THSD7B: variants seen among roughly 807,000 people sequenced by gnomAD.
THSD7B encodes the protein thrombospondin type-1 domain-containing protein 7B.
In THSD7B, 138 loss-of-function variants were observed where a neutral mutation model predicts 213.6. That is an observed-to-expected ratio of 0.65 (90% CI 0.56 to 0.74). The LOEUF (loss-of-function observed/expected upper bound fraction) is 0.74. THSD7B is among the 30% of genes least tolerant of loss of function. The pLI, the probability that THSD7B is intolerant of heterozygous loss-of-function variation, is 0.00. For missense variants in THSD7B, 1,931 were observed against 1,991.5 expected, an observed-to-expected ratio of 0.97 and a Z score of 0.58; for synonymous variants, 742 against 687.0, an observed-to-expected ratio of 1.08 and a Z score of -1.25.
At chr2:137,227,859 T>C (rs952304688) in intron 7 of THSD7B, among the ~76,000 whole-genome samples, 14 of 152,144 alleles carry the variant, frequency 9.2e-5, no homozygotes, top group African/African-American at 3.4e-4. Flanking sequence ...ATGAAGACCA[T>C]TTTTTGTGGT....
Position 137,582,028 on chromosome 2 carries a change from AGAGGTTGCAG to A in THSD7B, c.3423+9483_3423+9492del, listed in dbSNP as rs1357115896. On this transcript the variant is annotated intron_variant, in intron 17 of 27. Coordinates refer to ENST00000409968, the MANE Select transcript of THSD7B (RefSeq NM_001316349.2). ...TGAGGATTGCTTGAGCCTGGGAGGC[AGAGGTTGCAG>A]GAGGTTGCAGTGAGCTAAGATGGCG... 2.0e-5 allele frequency among the ~76,000 whole-genome samples: 3 copies of A among 151,914 alleles called. No individual in the cohort carries two copies. In the South Asian group the frequency reaches 6.2e-4, roughly 32 times the overall value.
chr2:136,840,283 G>T (rs892203293), intron 1 of THSD7B, among the ~76,000 whole-genome samples: 1 of 152,168 alleles, frequency 6.6e-6, no homozygotes, highest in African/African-American at 2.4e-5. Flanking sequence ...GGAGGCTGAG[G>T]CAGGAGAATC....
chr2:137,311,228 GTAA>G (rs1558752664), intron 12 of THSD7B, among the ~76,000 whole-genome samples: 1 of 151,372 alleles, frequency 6.6e-6, no homozygotes, highest in Admixed American at 6.6e-5. Context: ...CACATCCCTT[GTAA>G]GTTGGATTCC....
At chr2:136,865,463 T>C (rs1470284225) in intron 1 of THSD7B, among the ~76,000 whole-genome samples, 1 of 152,238 alleles carries the variant, frequency 6.6e-6, no homozygotes, top group African/African-American at 2.4e-5. Flanking sequence ...TTTTCTGTCA[T>C]TGGAAATATT....
intron 15 of THSD7B, among the ~76,000 whole-genome samples, chr2:137,546,462 TA>T (rs1479026947): frequency 0.031 from 721 of 23,222 alleles, 155 homozygotes; most frequent in African/African-American, 0.19. Context: ...ATATTATATA[TA>T]ATATATATAT....
chr2:137,211,855 G>A (rs1681119975), intron 7 of THSD7B, among the ~76,000 whole-genome samples: 1 of 152,066 alleles, frequency 6.6e-6, no homozygotes, highest in African/African-American at 2.4e-5. Flanking sequence ...GAAAAGGTAA[G>A]AATGCAAATT....
At chr2:137,082,320 T>C (rs148474861) in intron 3 of THSD7B, among the ~76,000 whole-genome samples, 1 of 152,256 alleles carries the variant, frequency 6.6e-6, no homozygotes, top group East Asian at 1.9e-4. Flanking sequence ...TGTGTGTTCA[T>C]GTTCTGTCTC....
intron 17 of THSD7B, among the ~76,000 whole-genome samples, chr2:137,609,672 G>T (rs750335651): frequency 9.2e-5 from 14 of 152,204 alleles, no homozygotes; most frequent in Non-Finnish European, 1.9e-4. Context: ...AATGGACTTG[G>T]TTTTCACTAA....
intron 2 of THSD7B, among the ~76,000 whole-genome samples, chr2:137,015,993 G>A (rs913177302): frequency 6.6e-6 from 1 of 152,132 alleles, no homozygotes; most frequent in Non-Finnish European, 1.5e-5. Context: ...TGGTAAAACA[G>A]AATAATTCAA....
chr2:137,175,538 C>G (rs895487653), intron 7 of THSD7B, among the ~76,000 whole-genome samples: 1 of 152,146 alleles, frequency 6.6e-6, no homozygotes, highest in African/African-American at 2.4e-5. Flanking sequence ...TATATTTGCA[C>G]GGCACTAGGA....
intron 7 of THSD7B, among the ~76,000 whole-genome samples, chr2:137,229,117 C>A (rs1160022762): frequency 1.3e-5 from 2 of 152,054 alleles, no homozygotes; most frequent in Non-Finnish European, 2.9e-5. Flanking sequence ...GTAATGAAAC[C>A]AATGTTACTA....
At chr2:136,785,657 C>T (rs911110657) in intron 1 of THSD7B, among the ~76,000 whole-genome samples, 2 of 152,174 alleles carry the variant, frequency 1.3e-5, no homozygotes, top group African/African-American at 4.8e-5. Context: ...TTCTGATTCT[C>T]TTACAGACTT....
At position 137,115,191 on chromosome 2, in the gene THSD7B, C is replaced by A; in HGVS notation, c.1267C>A (p.His423Asn). Reference protein sequence around the residue: ...VSLLLEQQDPHWHVTGPVCGG... With the variant: ...VSLLLEQQDPNWHVTGPVCGG... ...TCTCCTCCTCGAGCAGCAGGATCCC[C>A]ACTGGCATGTGACGGGACCCGTGTG... Residue 423 changes from histidine (H) to asparagine (N), a missense_variant, in exon 5 of 28, where the codon CAC becomes AAC. By Grantham distance (68) the His-to-Asn change is moderately conservative. Transcript: ENST00000409968. 6.2e-7 allele frequency: 1 copy of A among 1,613,906 alleles called. No individual in the cohort carries two copies. Among genetic ancestry groups the A allele is most frequent in the South Asian group, 1.1e-5 (1 of 91,072 alleles).
chr2:137,571,712 C>A (rs1681358608), intron 16 of THSD7B, among the ~76,000 whole-genome samples: 1 of 152,064 alleles, frequency 6.6e-6, no homozygotes, highest in African/African-American at 2.4e-5. Flanking sequence ...TCATTATTGC[C>A]AGTACTTATC....
At chr2:137,397,005 T>C (rs1686209552) in intron 12 of THSD7B, among the ~76,000 whole-genome samples, 1 of 140,664 alleles carries the variant, frequency 7.1e-6, no homozygotes, top group Non-Finnish European at 1.6e-5. Context: ...TTTTTTGTTT[T>C]CCATTTTCTT....
intron 5 of THSD7B, among the ~76,000 whole-genome samples, chr2:137,124,327 C>A (rs543718719): frequency 4.9e-4 from 75 of 152,342 alleles, no homozygotes; most frequent in African/African-American, 1.8e-3. Flanking sequence ...GCCAATTTAA[C>A]TGGCAAGTAG....
intron 2 of THSD7B, among the ~76,000 whole-genome samples, chr2:137,048,263 A>C (rs1039641782): frequency 6.6e-6 from 1 of 152,130 alleles, no homozygotes; most frequent in Non-Finnish European, 1.5e-5. Context: ...TATTTCTCAG[A>C]TTTTTTTTAA....
intron 2 of THSD7B, among the ~76,000 whole-genome samples, chr2:137,028,556 A>C (rs1686597580): frequency 1.3e-5 from 2 of 152,228 alleles, no homozygotes; most frequent in South Asian, 4.1e-4. Context: ...TGTTTATTTA[A>C]CACCACCATG....
At chr2:137,001,030 T>C (rs1685989288) in intron 2 of THSD7B, among the ~76,000 whole-genome samples, 1 of 152,122 alleles carries the variant, frequency 6.6e-6, no homozygotes, top group Admixed American at 6.6e-5. Flanking sequence ...CATTACAGAA[T>C]AAAAATAAGA....
Sources: allele counts gnomAD v4.1 joint callset (sites outside exome capture counted in the v4.1 genomes callset), GRCh38; gene constraint gnomAD v4.1.1; transcripts MANE v1.5; gene names NCBI Gene and HGNC (gene_info 2026-07-23, HGNC 2026-07-21).